TTC12: variants seen among roughly 807,000 people sequenced by gnomAD.
TTC12 encodes the protein tetratricopeptide repeat domain 12.
In TTC12, 70 loss-of-function variants were observed where a neutral mutation model predicts 90.1. The ratio of observed to expected loss-of-function variants is 0.78; its 90% CI spans 0.64 to 0.95. The LOEUF is 0.95. Ranked by LOEUF, TTC12 falls within the 40% of genes least tolerant of loss-of-function variation. TTC12 has a pLI of 0.00. For missense variants in TTC12, 819 were observed against 846.1 expected, an observed-to-expected ratio of 0.97 and a Z score of 0.40; for synonymous variants, 296 against 311.5, an observed-to-expected ratio of 0.95 and a Z score of 0.53.
At chr11:113,366,405 C>T, downstream of TTC12, 2 of 1,560,420 alleles carry the variant, frequency 1.3e-6, no homozygotes, top group Middle Eastern at 1.7e-4. Flanking sequence ...ATCAAGTACT[C>T]ATTTTTAGAG....
intron 14 of TTC12, among the ~76,000 whole-genome samples, chr11:113,350,930 T>C (rs1949252208): frequency 6.6e-6 from 1 of 152,322 alleles, no homozygotes; most frequent in Non-Finnish European, 1.5e-5. Context: ...ACACACGCTG[T>C]AGACTCAGAG....
At chr11:113,318,116 G>A (rs943023136) in intron 2 of TTC12, among the ~76,000 whole-genome samples, 18 of 152,228 alleles carry the variant, frequency 1.2e-4, no homozygotes, top group African/African-American at 4.3e-4. Flanking sequence ...CTCTTGCTAT[G>A]TGTTGAGTGT....
intron 4 of TTC12, among the ~76,000 whole-genome samples, chr11:113,324,380 G>A (rs1175320192): frequency 1.3e-5 from 2 of 152,140 alleles, no homozygotes; most frequent in Non-Finnish European, 2.9e-5. Context: ...CAAATTTGAA[G>A]CACAGTCATA....
chr11:113,348,148 G>T (rs1168462311), intron 13 of TTC12, among the ~76,000 whole-genome samples: 1 of 152,156 alleles, frequency 6.6e-6, no homozygotes, highest in Non-Finnish European at 1.5e-5. Flanking sequence ...TCTGCCACTG[G>T]ACATCTCTAT....
intron 12 of TTC12, among the ~76,000 whole-genome samples, chr11:113,343,882 T>C (rs1012803792): frequency 6.6e-6 from 1 of 152,248 alleles, no homozygotes; most frequent in African/African-American, 2.4e-5. Flanking sequence ...GTTCCACAAT[T>C]AAACTGATTT....
chr11:113,358,445 C>T (rs1555153247), intron 16 of TTC12, among the ~76,000 whole-genome samples: 2 of 152,156 alleles, frequency 1.3e-5, no homozygotes, highest in African/African-American at 4.8e-5. Context: ...GGTGTGGGCC[C>T]CCAGAGCCCC....
chr11:113,347,082 C>T lies in TTC12; in HGVS notation c.1154+2642C>T, dbSNP rs1213356433. On this transcript the variant is annotated intron_variant, in intron 13 of 21. Transcript: ENST00000529221. ...GAGGGGGCCTAGCTGCTTATGTCTG[C>T]CAGGACAAAGCCAAGATGGTCTTAG... is the stretch of plus-strand genomic sequence containing the variant. Among the ~76,000 whole-genome samples, 10 of 152,170 alleles carry T rather than the reference C, an allele frequency of 6.6e-5. No individual in the cohort carries two copies. The East Asian group carries it at 1.3e-3, about 21-fold the overall frequency.
chr11:113,337,543 C>T (rs1555144424), intron 8 of TTC12, among the ~76,000 whole-genome samples: 1 of 152,042 alleles, frequency 6.6e-6, no homozygotes, highest in Non-Finnish European at 1.5e-5. Context: ...AAGAGGAGAG[C>T]AACAGGAGAT....
chr11:113,337,229 A>G (rs1170460844), intron 8 of TTC12, among the ~76,000 whole-genome samples: 4 of 152,248 alleles, frequency 2.6e-5, no homozygotes, highest in Admixed American at 1.3e-4. Flanking sequence ...CTGTTAATAC[A>G]GGCAATAAAG....
At chr11:113,325,911 T>G (rs530129090) in intron 6 of TTC12, among the ~76,000 whole-genome samples, 1 of 152,294 alleles carries the variant, frequency 6.6e-6, no homozygotes, top group African/African-American at 2.4e-5. Context: ...ATAAGTCAGC[T>G]CCATCATATC....
chr11:113,337,992 A>G (rs1948466064), intron 8 of TTC12, among the ~76,000 whole-genome samples: 1 of 152,078 alleles, frequency 6.6e-6, no homozygotes, highest in Non-Finnish European at 1.5e-5. Flanking sequence ...TTAATGTGTT[A>G]TTGTTTTCCT....
chr11:113,345,423 T>C (rs1482595311), intron 13 of TTC12, among the ~76,000 whole-genome samples: 2 of 149,988 alleles, frequency 1.3e-5, no homozygotes, highest in Non-Finnish European at 3.0e-5. Flanking sequence ...CCAGGTACTG[T>C]TCTGAGGACC....
chr11:113,350,128 G>T lies in TTC12; in HGVS notation c.1210G>T (p.Ala404Ser), dbSNP rs1555149572. 1.2e-6 allele frequency: 2 copies of T among 1,613,930 alleles called. No homozygotes were observed. The highest frequency in any genetic ancestry group is 3.3e-5 in the Admixed American group (2 of 60,030). The change falls in exon 14 of 22, where the codon GCT (alanine) becomes TCT (serine). Residue 404 changes from alanine (A) to serine (S), a missense_variant. Coordinates refer to ENST00000529221, the MANE Select transcript of TTC12 (RefSeq NM_017868.4). Reference sequence around the variant, plus strand: ...TTTCTCGGATAAGGAGGCCAACACTGCTATGGGACTGTTCACAGACTTGGC... The same window carrying T: ...TTTCTCGGATAAGGAGGCCAACACTTCTATGGGACTGTTCACAGACTTGGC... ...LDFSDKEANTAMGLFTDLALE... is the reference protein window; with the variant it reads ...LDFSDKEANTSMGLFTDLALE...
rs1555146286 is a variant in TTC12, at chr11:113,341,939, A to G, written c.985+14A>G. On this transcript the variant is annotated intron_variant, in intron 12 of 21. Transcript: ENST00000529221. The stretch of plus-strand genomic sequence containing the variant: ...GCAGCAGGAACGGTAAGCCTGGGTA[A>G]TCACCGTTGATCACCATTAATGCGC... 1.7e-5 allele frequency: 27 copies of G among 1,599,336 alleles called. No individual in the cohort carries two copies. Among genetic ancestry groups the G allele is most frequent in the Non-Finnish European group, 2.2e-5 (26 of 1,166,488 alleles).
At chr11:113,352,262 G>A (rs17115393) in intron 16 of TTC12, 55 bp downstream of exon 16, 124 of 1,609,078 alleles carry the variant, frequency 7.7e-5, no homozygotes, top group Admixed American at 1.5e-4. Flanking sequence ...GGGCATTAGC[G>A]TCTTCTTAGT....
intron 15 of TTC12, 45 bp from the exon 16 acceptor site, chr11:113,352,025 T>C (rs782446045): frequency 7.6e-5 from 122 of 1,602,774 alleles, no homozygotes; most frequent in Non-Finnish European, 1.0e-4. Context: ...TGCGGCATCC[T>C]TTGCCTGCTC....
intron 13 of TTC12, among the ~76,000 whole-genome samples, chr11:113,346,600 C>T (rs540718117): frequency 6.6e-6 from 1 of 151,910 alleles, no homozygotes; most frequent in African/African-American, 2.4e-5. Flanking sequence ...ATCAAGAAAA[C>T]CTACTGCCTA....
intron 6 of TTC12, among the ~76,000 whole-genome samples, chr11:113,328,905 C>CT (rs1565580943): frequency 6.6e-6 from 1 of 152,172 alleles, no homozygotes; most frequent in Non-Finnish European, 1.5e-5. Flanking sequence ...TGACTGGCTT[C>CT]TTTCATTTAT....
chr11:113,342,211 G>T (rs1948724037), intron 12 of TTC12, among the ~76,000 whole-genome samples: 1 of 152,198 alleles, frequency 6.6e-6, no homozygotes, highest in Non-Finnish European at 1.5e-5. Context: ...TGGCAATGAG[G>T]TAGATGGAGT....
Sources: allele counts gnomAD v4.1 joint callset (sites outside exome capture counted in the v4.1 genomes callset), GRCh38; gene constraint gnomAD v4.1.1; transcripts MANE v1.5; gene names NCBI Gene and HGNC (gene_info 2026-07-23, HGNC 2026-07-21).